Variants in LPP observed in about 807,000 individuals in gnomAD.
LPP encodes the protein lipoma-preferred partner.
Under a neutral mutation model 60.4 loss-of-function variants are expected in LPP, and 38 were observed. The observed-to-expected ratio is 0.63, with a 90% CI of 0.49 to 0.83. The LOEUF (loss-of-function observed/expected upper bound fraction) is 0.83. LPP is among the 40% of genes least tolerant of loss of function. The pLI, the probability that LPP is intolerant of heterozygous loss-of-function variation, is 0.00. For synonymous variants in LPP, 328 were observed against 290.8 expected (o/e 1.13, Z -1.30); for missense variants, 902 against 783.6 (o/e 1.15, Z -1.80).
intron 4 of LPP, among the ~76,000 whole-genome samples, chr3:188,409,476 A>G (rs1292618886): frequency 1.3e-5 from 2 of 152,218 alleles, no homozygotes; most frequent in African/African-American, 4.8e-5. Flanking sequence ...AAATGTTATC[A>G]GTGCATTCTG....
At chr3:188,414,245 A>G (rs1264863057) in intron 4 of LPP, among the ~76,000 whole-genome samples, 1 of 152,166 alleles carries the variant, frequency 6.6e-6, no homozygotes, top group East Asian at 1.9e-4. Context: ...ATACTTTAAT[A>G]TAGGTTAAGT....
chr3:188,183,251 C>T (rs1263479103), intron 1 of LPP, among the ~76,000 whole-genome samples: 4 of 152,168 alleles, frequency 2.6e-5, no homozygotes, highest in Non-Finnish European at 1.5e-5. Flanking sequence ...CATTCCCCCT[C>T]CACCTTTGCC....
intron 2 of LPP, among the ~76,000 whole-genome samples, chr3:188,306,085 CT>C (rs1751426363): frequency 6.6e-6 from 1 of 151,820 alleles, no homozygotes; most frequent in Admixed American, 6.6e-5. Context: ...TTTTTCTTTT[CT>C]TTTATTTTTT....
At chr3:188,585,291 C>T (rs564104871) in intron 6 of LPP, among the ~76,000 whole-genome samples, 1 of 152,278 alleles carries the variant, frequency 6.6e-6, no homozygotes, top group Non-Finnish European at 1.5e-5. Context: ...TGTTAAAATG[C>T]ACTGTCTTAA....
intron 2 of LPP, among the ~76,000 whole-genome samples, chr3:188,275,499 G>A (rs913525762): frequency 6.6e-6 from 1 of 152,104 alleles, no homozygotes; most frequent in African/African-American, 2.4e-5. Flanking sequence ...AGCTGGGACG[G>A]TGGGTGTGCA....
chr3:188,666,063 A>C (rs1453138504), intron 7 of LPP, among the ~76,000 whole-genome samples: 1 of 152,238 alleles, frequency 6.6e-6, no homozygotes, highest in East Asian at 1.9e-4. Flanking sequence ...TCAATTTCAG[A>C]ATACTAACTT....
chr3:188,438,742 G>A (rs1420548369), intron 4 of LPP, among the ~76,000 whole-genome samples: 1 of 152,126 alleles, frequency 6.6e-6, no homozygotes, highest in Non-Finnish European at 1.5e-5. Context: ...TCACTATAAC[G>A]TAAAAACCAC....
intron 5 of LPP, among the ~76,000 whole-genome samples, chr3:188,523,808 A>G (rs868614889): frequency 6.6e-6 from 1 of 152,228 alleles, no homozygotes; most frequent in Non-Finnish European, 1.5e-5. Flanking sequence ...AGCTTCTTCC[A>G]TATTCATATA....
rs534174961 is a variant in LPP at position 188,683,666 on chromosome 3, C to T, written c.1114-24601C>T. Among the ~76,000 whole-genome samples, 4 of 152,162 alleles carry T rather than the reference C, an allele frequency of 2.6e-5. No homozygotes were observed. The South Asian group carries it at 8.3e-4, about 32-fold the overall frequency. ...CACAGGGCCCCAAATGAAGGAAGAC[C>T]CCTTGTAATTTGTTAAAAAATAAGT... On this transcript the variant is annotated intron_variant, in intron 7 of 11. Coordinates refer to ENST00000617246, the MANE Select transcript of LPP (RefSeq NM_001375462.1).
chr3:188,383,837 A>G (rs1047480849), intron 3 of LPP, among the ~76,000 whole-genome samples: 2 of 152,106 alleles, frequency 1.3e-5, no homozygotes, highest in Non-Finnish European at 2.9e-5. Flanking sequence ...TTTCCACTAG[A>G]TTTATACTTA....
intron 10 of LPP, among the ~76,000 whole-genome samples, chr3:188,866,619 G>A (rs1206228114): frequency 6.6e-6 from 1 of 152,144 alleles, no homozygotes; most frequent in East Asian, 1.9e-4. Context: ...TTGCATCTCT[G>A]GGTAATTCTA....
intron 6 of LPP, among the ~76,000 whole-genome samples, chr3:188,601,929 G>A (rs1026227939): frequency 6.6e-6 from 1 of 151,324 alleles, no homozygotes; most frequent in Admixed American, 6.6e-5. Flanking sequence ...ATGAGCTGGC[G>A]TGGTGGTGGG....
At chr3:188,427,533 C>G (rs1169897108) in intron 4 of LPP, among the ~76,000 whole-genome samples, 1 of 152,100 alleles carries the variant, frequency 6.6e-6, no homozygotes, top group African/African-American at 2.4e-5. Context: ...TTGGTGTTCT[C>G]TGTATTTCCT....
intron 3 of LPP, among the ~76,000 whole-genome samples, chr3:188,380,676 G>A (rs1433851707): frequency 6.6e-6 from 1 of 152,144 alleles, no homozygotes; most frequent in African/African-American, 2.4e-5. Flanking sequence ...ATTAAATTAA[G>A]GTTTAGTGGT....
At chr3:188,245,795 G>T (rs1447630360) in intron 2 of LPP, among the ~76,000 whole-genome samples, 1 of 151,808 alleles carries the variant, frequency 6.6e-6, no homozygotes, top group Non-Finnish European at 1.5e-5. Context: ...TCCCACCTCG[G>T]CCTTCCAAAG....
intron 8 of LPP, among the ~76,000 whole-genome samples, chr3:188,729,548 C>T (rs1373372640): frequency 6.6e-6 from 1 of 152,148 alleles, no homozygotes; most frequent in Non-Finnish European, 1.5e-5. Context: ...GGATAAGAAA[C>T]ATGATATTGC....
intron 2 of LPP, among the ~76,000 whole-genome samples, chr3:188,333,080 T>G (rs576518911): frequency 6.6e-6 from 1 of 152,194 alleles, no homozygotes; most frequent in Non-Finnish European, 1.5e-5. Flanking sequence ...AGAATAACAA[T>G]GTAAGTACAT....
intron 1 of LPP, among the ~76,000 whole-genome samples, chr3:188,174,223 T>G (rs957584711): frequency 6.6e-6 from 1 of 152,234 alleles, no homozygotes; most frequent in African/African-American, 2.4e-5. Context: ...AACCAGTGTT[T>G]GAGTATCTGA....
At chr3:188,425,409 T>C (rs1789023600) in intron 4 of LPP, among the ~76,000 whole-genome samples, 1 of 152,118 alleles carries the variant, frequency 6.6e-6, no homozygotes, top group Admixed American at 6.6e-5. Flanking sequence ...GAAATTTTCT[T>C]TTTTTTGTTG....
Sources: allele counts gnomAD v4.1 joint callset (sites outside exome capture counted in the v4.1 genomes callset), GRCh38; gene constraint gnomAD v4.1.1; transcripts MANE v1.5; gene names NCBI Gene and HGNC (gene_info 2026-07-23, HGNC 2026-07-21).